SLC2A14: variants seen among roughly 807,000 people sequenced by gnomAD.
SLC2A14 encodes solute carrier family 2 member 14.
In SLC2A14, 13 loss-of-function variants were observed where a neutral mutation model predicts 43.0. That is an observed-to-expected ratio of 0.30 (90% CI 0.20 to 0.48). The LOEUF is 0.48. Among genes scored for constraint, SLC2A14 ranks in the 20% least tolerant of loss-of-function variants. The probability of loss-of-function intolerance (pLI) is 0.99; values close to 1 mark genes in which losing one functional copy is unlikely to be tolerated. For synonymous variants in SLC2A14, 190 were observed against 233.8 expected (o/e 0.81, Z 1.71); for missense variants, 428 against 620.4 (o/e 0.69, Z 3.29).
intron 2 of SLC2A14, among the ~76,000 whole-genome samples, chr12:7,840,937 T>C (rs1865899902): frequency 1.3e-5 from 2 of 152,096 alleles, no homozygotes; most frequent in South Asian, 4.1e-4. Flanking sequence ...ATCAAGACTT[T>C]TATTTTAGAT....
At chr12:7,841,393 T>C (rs1565534606) in intron 2 of SLC2A14, among the ~76,000 whole-genome samples, 2 of 152,126 alleles carry the variant, frequency 1.3e-5, no homozygotes, top group Non-Finnish European at 2.9e-5. Context: ...CCCAAGCAGC[T>C]GGGATTACAG....
At chr12:7,839,655 T>C (rs938504407) in intron 2 of SLC2A14, 96 of 304,144 alleles carry the variant, frequency 3.2e-4, no homozygotes, top group South Asian at 1.1e-3. Flanking sequence ...TTTAAATGTG[T>C]GTTCCCTCCA....
chr12:7,820,795 T>C (rs951051308), intron 8 of SLC2A14, among the ~76,000 whole-genome samples: 10 of 152,086 alleles, frequency 6.6e-5, no homozygotes, highest in African/African-American at 2.4e-4. Flanking sequence ...CAAAGGAAAA[T>C]TAAACAACAG....
rs112341538 is a variant in SLC2A14 at position 7,842,142 on chromosome 12, T to G, written c.19-9328A>C. 2.4e-3 allele frequency among the ~76,000 whole-genome samples: 365 copies of G among 152,284 alleles called. 2 individuals are homozygous for G. The highest frequency in any genetic ancestry group is 8.5e-3 in the African/African-American group (354 of 41,564). On this transcript the variant is annotated intron_variant, in intron 2 of 10. Coordinates refer to ENST00000431042, the MANE Select transcript of SLC2A14 (RefSeq NM_001286234.2). Reference sequence around the variant, plus strand: ...AATGTCATACAGTTGGAGTCATACATTATGTAGCCTTTTCAGATTGGCTTA... The same window carrying G: ...AATGTCATACAGTTGGAGTCATACAGTATGTAGCCTTTTCAGATTGGCTTA...
intron 1 of SLC2A14, among the ~76,000 whole-genome samples, chr12:7,883,526 A>ACTTT (rs1945628868): frequency 6.6e-6 from 1 of 150,384 alleles, no homozygotes; most frequent in Non-Finnish European, 1.5e-5. Flanking sequence ...TCGGCCTCCC[A>ACTTT]AAGTGCTGAG....
At chr12:7,827,314 C>T (rs1274320360) in intron 7 of SLC2A14, among the ~76,000 whole-genome samples, 181 bp downstream of exon 7, 1 of 137,798 alleles carries the variant, frequency 7.3e-6, no homozygotes, top group East Asian at 2.1e-4. Flanking sequence ...CTCACTCTGT[C>T]ACCCAGGCTA....
At chr12:7,885,196 T>C (rs1470926992) in intron 1 of SLC2A14, among the ~76,000 whole-genome samples, 3 of 151,996 alleles carry the variant, frequency 2.0e-5, no homozygotes, top group Non-Finnish European at 4.4e-5. Flanking sequence ...AAGAGCCAGG[T>C]GTGGTGGCTC....
intron 7 of SLC2A14, among the ~76,000 whole-genome samples, chr12:7,823,550 G>A (rs1380132137): frequency 3.3e-5 from 5 of 151,614 alleles, no homozygotes; most frequent in South Asian, 2.1e-4. Flanking sequence ...GAGAAACCCC[G>A]TCTCTATTAA....
At chr12:7,857,469 T>C (rs1465772820) in intron 2 of SLC2A14, among the ~76,000 whole-genome samples, 1 of 151,686 alleles carries the variant, frequency 6.6e-6, no homozygotes, top group Non-Finnish European at 1.5e-5. Flanking sequence ...ACACCTGTAA[T>C]CCCAGCTACC....
intron 2 of SLC2A14, among the ~76,000 whole-genome samples, chr12:7,856,704 A>G (rs1464736190): frequency 6.6e-6 from 1 of 152,126 alleles, no homozygotes; most frequent in Non-Finnish European, 1.5e-5. Context: ...GATGAATGAC[A>G]TCAGTATCTT....
upstream of SLC2A14, chr12:7,873,338 G>C (rs1355467087): frequency 4.1e-6 from 4 of 985,378 alleles, no homozygotes; most frequent in Non-Finnish European, 3.6e-6. Flanking sequence ...CCCAGGGCGA[G>C]ATCCTGTAAA....
At chr12:7,887,679 T>G (rs1352823137) in intron 1 of SLC2A14, among the ~76,000 whole-genome samples, 4 of 152,092 alleles carry the variant, frequency 2.6e-5, no homozygotes, top group Admixed American at 2.6e-4. Flanking sequence ...ACATTTGGCA[T>G]GTATGTCAAT....
intron 2 of SLC2A14, among the ~76,000 whole-genome samples, chr12:7,849,995 C>A: frequency 7.0e-6 from 1 of 142,270 alleles, no homozygotes; most frequent in Non-Finnish European, 1.5e-5. Flanking sequence ...TCAAAAGTTA[C>A]AATGTGGTGC....
chr12:7,882,114 A>G (rs1425789951), intron 1 of SLC2A14, among the ~76,000 whole-genome samples: 3 of 152,026 alleles, frequency 2.0e-5, no homozygotes, highest in Admixed American at 6.6e-5. Flanking sequence ...TTTCTTTGCA[A>G]TAAGTCTTGT....
Position 7,831,714 on chromosome 12 carries a change from AG to A in SLC2A14, c.161del (p.Pro54LeufsTer23). The A allele has an allele frequency of 6.2e-7, 1 of 1,614,240 alleles. No homozygotes were observed. The highest frequency in any genetic ancestry group is 8.5e-7 in the Non-Finnish European group (1 of 1,180,048). The part of the protein sequence containing the change: ...NKTLTDKANA[P>X]PSEVLLTNLW... ...GATTCGTGAGCAGCACCTCAGAGGGAGGGGCATTTGCCTTGTCCGTCAAAGT... is the reference window on the plus strand; with the variant it reads ...GATTCGTGAGCAGCACCTCAGAGGGAGGGCATTTGCCTTGTCCGTCAAAGT... On this transcript the variant is annotated frameshift_variant, in exon 4 of 11. Transcript: ENST00000431042. LOFTEE classifies it high-confidence loss of function.
In SLC2A14 at chr12:7,845,269, T is replaced by C. The variant is rs1866365922; in HGVS notation, c.19-12455A>G. ...GTCAATGGATATCACAGCTTGCAAA[T>C]GGCAGAGAAAAACAAAACCAACTTG... is the stretch of plus-strand genomic sequence containing the variant. On this transcript the variant is annotated intron_variant, in intron 2 of 10. Transcript: ENST00000431042. Among the ~76,000 whole-genome samples the C allele has an allele frequency of 1.3e-5, 2 of 152,150 alleles. 1 individual carries two copies. Among genetic ancestry groups the C allele is most frequent in the South Asian group, 4.1e-4 (2 of 4,832 alleles).
intron 2 of SLC2A14, among the ~76,000 whole-genome samples, chr12:7,847,015 G>C (rs778980435): frequency 6.6e-6 from 1 of 151,892 alleles, no homozygotes; most frequent in East Asian, 2.0e-4. Context: ...CACTTTGGGA[G>C]GCCGAGGTGG....
intron 1 of SLC2A14, among the ~76,000 whole-genome samples, chr12:7,882,426 C>T (rs1016273336): frequency 1.3e-5 from 2 of 152,226 alleles, no homozygotes; most frequent in African/African-American, 4.8e-5. Context: ...GGGTCCATGG[C>T]TTCATTCTTG....
At chr12:7,846,025 C>T (rs991536791) in intron 2 of SLC2A14, among the ~76,000 whole-genome samples, 13 of 143,908 alleles carry the variant, frequency 9.0e-5, no homozygotes, top group African/African-American at 2.9e-4. Context: ...CCTGGGAGGT[C>T]GAGGCTGCAG....
Sources: allele counts gnomAD v4.1 joint callset (sites outside exome capture counted in the v4.1 genomes callset), GRCh38; gene constraint gnomAD v4.1.1; transcripts MANE v1.5; gene names NCBI Gene and HGNC (gene_info 2026-07-23, HGNC 2026-07-21).